LRRC20: variants seen among roughly 807,000 people sequenced by gnomAD.
LRRC20 encodes the protein leucine rich repeat containing 20.
In LRRC20, 11 loss-of-function variants were observed where a neutral mutation model predicts 14.4. The ratio of observed to expected loss-of-function variants is 0.77; its 90% CI spans 0.48 to 1.27. LRRC20 has a LOEUF of 1.27. Ranked by LOEUF, LRRC20 falls within the 50% of genes most tolerant of loss-of-function variation. The pLI is 0.00. For missense variants in LRRC20, 219 were observed against 251.2 expected (o/e 0.87, Z 0.87); for synonymous variants, 121 against 107.3 (o/e 1.13, Z -0.79).
chr10:70,382,511 G>C (rs1029134711), intron 1 of LRRC20, 38 bp downstream of exon 1: 4 of 152,310 alleles, frequency 2.6e-5, no homozygotes, highest in Non-Finnish European at 4.4e-5. Flanking sequence ...GGCAAGAAGC[G>C]TGTGGTCCCG....
chr10:70,321,446 G>A (rs1043160505), intron 4 of LRRC20, among the ~76,000 whole-genome samples: 5 of 152,172 alleles, frequency 3.3e-5, no homozygotes, highest in Non-Finnish European at 5.9e-5. Flanking sequence ...CAAGTAACTC[G>A]GATGGATCAG....
intron 2 of LRRC20, among the ~76,000 whole-genome samples, chr10:70,356,386 C>T (rs1162142843): frequency 1.3e-5 from 2 of 152,124 alleles, no homozygotes; most frequent in East Asian, 1.9e-4. Flanking sequence ...GTAGTGCATG[C>T]CTGTAGTCCC....
chr10:70,323,317 C>A (rs1361101398), intron 4 of LRRC20, among the ~76,000 whole-genome samples: 1 of 152,168 alleles, frequency 6.6e-6, no homozygotes, highest in African/African-American at 2.4e-5. Flanking sequence ...AGAACCCAAC[C>A]TCCTGGGGTT....
chr10:70,338,489 T>C (rs946834539), intron 3 of LRRC20, among the ~76,000 whole-genome samples: 4 of 152,220 alleles, frequency 2.6e-5, no homozygotes, highest in African/African-American at 9.7e-5. Flanking sequence ...CTAGATGATA[T>C]TCCCTTTCAT....
chr10:70,305,743 A>AT (rs34994675), intron 4 of LRRC20, among the ~76,000 whole-genome samples: 87,010 of 144,708 alleles, frequency 0.6, 26,621 homozygotes, highest in Non-Finnish European at 0.68. Context: ...AGATTTGCCA[A>AT]TTTTTTTTTT....
intron 3 of LRRC20, among the ~76,000 whole-genome samples, chr10:70,324,315 G>A (rs995782664): frequency 1.3e-5 from 2 of 152,214 alleles, no homozygotes; most frequent in East Asian, 1.9e-4. Flanking sequence ...GGGCCTCAGC[G>A]AGGGGTCAGG....
intron 4 of LRRC20, among the ~76,000 whole-genome samples, chr10:70,321,897 C>T (rs1234541680): frequency 6.6e-6 from 1 of 152,214 alleles, no homozygotes; most frequent in African/African-American, 2.4e-5. Context: ...AAGATGCTTC[C>T]ACATGTTGAA....
rs116609829 is a variant in LRRC20, at chr10:70,337,539, C to T, written c.232+3014G>A. 9.6e-3 allele frequency among the ~76,000 whole-genome samples: 1,457 copies of T among 152,326 alleles called. 22 individuals carry two copies. The highest frequency in any genetic ancestry group is 0.033 in the African/African-American group (1,384 of 41,552). On this transcript the variant is annotated intron_variant, in intron 3 of 4. Transcript: ENST00000446961. ...GCTACGTAAATACATTTCCGCATCC[C>T]ACAGATGCATGGGCTAAGTAGCATT...
chr10:70,374,929 A>G (rs1389616298), intron 2 of LRRC20, among the ~76,000 whole-genome samples: 1 of 152,174 alleles, frequency 6.6e-6, no homozygotes, highest in Admixed American at 6.5e-5. Flanking sequence ...AGACACAATT[A>G]CCATTCCCAT....
chr10:70,349,406 T>A lies in LRRC20; in HGVS notation c.83-8704A>T, dbSNP rs529088037. Among the ~76,000 whole-genome samples the A allele has an allele frequency of 2.2e-4, 34 of 152,172 alleles. No homozygotes were observed. In the South Asian group the frequency reaches 6.6e-3, roughly 30 times the overall value. ...CAGCCTGGCCAACATGTTAAAACCCTGTCTCTAATAAAAATACAAAAAGTA... is the reference window on the plus strand; with the variant it reads ...CAGCCTGGCCAACATGTTAAAACCCAGTCTCTAATAAAAATACAAAAAGTA... On this transcript the variant is annotated intron_variant, in intron 2 of 4. Coordinates refer to ENST00000446961, the MANE Select transcript of LRRC20 (RefSeq NM_001278212.2).
At chr10:70,369,481 C>T (rs572786901) in intron 2 of LRRC20, among the ~76,000 whole-genome samples, 1 of 152,014 alleles carries the variant, frequency 6.6e-6, no homozygotes, top group South Asian at 2.1e-4. Flanking sequence ...AGTTGAATAC[C>T]CTTGTACAAC....
At position 70,318,747 on chromosome 10, in the gene LRRC20, C is replaced by A. The variant is rs148408970; in HGVS notation, c.400+5116G>T. ...CCAGCCTGTGTGAGAGATCGAGACCCCATCTCAAAGAAAAAAAAAAAAGTG... is the reference window on the plus strand; with the variant it reads ...CCAGCCTGTGTGAGAGATCGAGACCACATCTCAAAGAAAAAAAAAAAAGTG... On this transcript the variant is annotated intron_variant, in intron 4 of 4. Coordinates refer to ENST00000446961, the MANE Select transcript of LRRC20 (RefSeq NM_001278212.2). 5.6e-3 allele frequency among the ~76,000 whole-genome samples: 636 copies of A among 113,454 alleles called. 2 individuals are homozygous for A. Among genetic ancestry groups the A allele is most frequent in the African/African-American group, 0.016 (487 of 29,706 alleles). The allele number at this position is 113,454 out of a possible 152,430, so 74.4% of individuals were successfully genotyped here. A position where few individuals can be genotyped will look rare whatever the true frequency, so the allele number is the denominator to read the frequency against.
intron 3 of LRRC20, among the ~76,000 whole-genome samples, chr10:70,328,322 A>G (rs541902957): frequency 6.6e-6 from 1 of 150,854 alleles, no homozygotes; most frequent in African/African-American, 2.4e-5. Flanking sequence ...TTTGAGATGG[A>G]GTTTTGCTCT....
chr10:70,376,645 C>T (rs930390022), intron 1 of LRRC20, 49 bp from the exon 2 acceptor site: 102 of 968,324 alleles, frequency 1.1e-4, no homozygotes, highest in Non-Finnish European at 1.6e-5. Flanking sequence ...GCCAGGGGCC[C>T]ACCCAGGCAT....
chr10:70,336,322 A>G (rs985840851), intron 3 of LRRC20, among the ~76,000 whole-genome samples: 4 of 152,146 alleles, frequency 2.6e-5, no homozygotes, highest in Non-Finnish European at 5.9e-5. Context: ...AAATATAAAA[A>G]CAGAACTCCA....
chr10:70,321,333 C>A (rs747104514), intron 4 of LRRC20, among the ~76,000 whole-genome samples: 1 of 152,186 alleles, frequency 6.6e-6, no homozygotes, highest in Non-Finnish European at 1.5e-5. Context: ...GTCACTGCAG[C>A]CCCTCCTTCC....
At chr10:70,344,386 A>G (rs4746028) in intron 2 of LRRC20, among the ~76,000 whole-genome samples, 67,772 of 152,022 alleles carry the variant, frequency 0.45, 15,463 homozygotes, top group Middle Eastern at 0.56. Context: ...TGGTCTCAGC[A>G]AAGCGGCTAA....
At chr10:70,379,787 G>A (rs917080467) in intron 1 of LRRC20, among the ~76,000 whole-genome samples, 1 of 152,182 alleles carries the variant, frequency 6.6e-6, no homozygotes, top group Non-Finnish European at 1.5e-5. Context: ...GGGAGGTGGT[G>A]CCTTAGACCA....
At chr10:70,372,625 G>C (rs1265520931) in intron 2 of LRRC20, among the ~76,000 whole-genome samples, 1 of 151,778 alleles carries the variant, frequency 6.6e-6, no homozygotes, top group East Asian at 1.9e-4. Context: ...TGTATTTTTA[G>C]TAGAGATGGG....
Sources: allele counts gnomAD v4.1 joint callset (sites outside exome capture counted in the v4.1 genomes callset), GRCh38; gene constraint gnomAD v4.1.1; transcripts MANE v1.5; gene names NCBI Gene and HGNC (gene_info 2026-07-23, HGNC 2026-07-21).